BEAN1: variants seen among roughly 807,000 people sequenced by gnomAD.
The protein encoded by BEAN1 is protein BEAN1.
BEAN1 carries 17 observed loss-of-function variants against 17.7 expected under a neutral mutation model. The ratio of observed to expected loss-of-function variants is 0.96; its 90% CI spans 0.66 to 1.44. The LOEUF (loss-of-function observed/expected upper bound fraction) is 1.44, where lower values mean the gene tolerates loss of function less well. BEAN1 is among the 40% of genes most tolerant of loss of function. The pLI is 0.00. For synonymous variants in BEAN1, 142 were observed against 151.8 expected (o/e 0.94, Z 0.47); for missense variants, 359 against 374.1 (o/e 0.96, Z 0.33).
At chr16:66,490,036 T>C (rs1964143265) in intron 4 of BEAN1, among the ~76,000 whole-genome samples, 1 of 151,606 alleles carries the variant, frequency 6.6e-6, no homozygotes, top group South Asian at 2.1e-4. Flanking sequence ...TCCTGGCGAC[T>C]GGAGAGGCAG....
intron 4 of BEAN1, among the ~76,000 whole-genome samples, chr16:66,488,173 G>C (rs1364368035): frequency 6.6e-6 from 1 of 150,580 alleles, no homozygotes; most frequent in Non-Finnish European, 1.5e-5. Context: ...TGTCCAGAAT[G>C]AATGTAGTTA....
intron 2 of BEAN1, among the ~76,000 whole-genome samples, chr16:66,457,844 C>T (rs974542861): frequency 6.6e-6 from 1 of 152,014 alleles, no homozygotes; most frequent in African/African-American, 2.4e-5. Flanking sequence ...GAGCCCTGCC[C>T]TGCCATGTCC....
In BEAN1 at chr16:66,471,157, C is replaced by T. The variant is rs997074107; in HGVS notation, c.289+1292C>T. 1.3e-5 allele frequency among the ~76,000 whole-genome samples: 2 copies of T among 152,230 alleles called. No individual in the cohort carries two copies. Among genetic ancestry groups the T allele is most frequent in the African/African-American group, 4.8e-5 (2 of 41,456 alleles). On this transcript the variant is annotated intron_variant, in intron 3 of 4. Coordinates refer to ENST00000536005, the MANE Select transcript of BEAN1 (RefSeq NM_001178020.3). This position sits in a 1 kb window ranked among gnomAD's most constrained non-coding sequence, Gnocchi z 4.7. ...CTGGCCTTTGGGGCCCCTCCTCCCC[C>T]TCCCAGACACACCCTGATTAGCCAG...
chr16:66,462,411 A>G (rs1356474685), intron 2 of BEAN1, among the ~76,000 whole-genome samples: 3 of 152,238 alleles, frequency 2.0e-5, no homozygotes, highest in Non-Finnish European at 4.4e-5. Context: ...GAGCCAACTA[A>G]GTTTTCTGCA....
chr16:66,473,205 G>A lies in BEAN1; in HGVS notation c.289+3340G>A, dbSNP rs1204921527. Among the ~76,000 whole-genome samples the A allele has an allele frequency of 1.3e-5, 2 of 152,130 alleles. No individual in the cohort carries two copies. Among genetic ancestry groups the A allele is most frequent in the African/African-American group, 2.4e-5 (1 of 41,444 alleles). On this transcript the variant is annotated intron_variant, in intron 3 of 4. Coordinates refer to ENST00000536005, the MANE Select transcript of BEAN1 (RefSeq NM_001178020.3). The surrounding 1 kb of genome is among the most constrained non-coding windows in gnomAD (Gnocchi z 4.5). ...CAGGCCAGCCCCTCTGTAGCCTGTG[G>A]TGGCCTCGGGACTGGTGCCAATGAA...
chr16:66,474,585 G>A (rs1597037274), intron 3 of BEAN1, among the ~76,000 whole-genome samples: 1 of 22,738 alleles, frequency 4.4e-5, no homozygotes, highest in African/African-American at 2.0e-4. Flanking sequence ...AGGGAGAGAG[G>A]GAGGGAGGGA....
At chr16:66,435,999 C>G (rs901604260) in intron 1 of BEAN1, among the ~76,000 whole-genome samples, 9 of 152,082 alleles carry the variant, frequency 5.9e-5, no homozygotes, top group Non-Finnish European at 1.0e-4. Flanking sequence ...ATATATACCC[C>G]CTCATGACCC....
At position 66,473,878 on chromosome 16, in the gene BEAN1, T is replaced by C. The variant is rs1209524898; in HGVS notation, c.290-3682T>C. On this transcript the variant is annotated intron_variant, in intron 3 of 4. Transcript: ENST00000536005. The surrounding 1 kb of genome is among the most constrained non-coding windows in gnomAD (Gnocchi z 4.5). ...CCACCCCTCTGGCTGCGGATTCCTC[T>C]CCTCTGTCCCTTTATAAGTCAAGGT... is the stretch of plus-strand genomic sequence containing the variant. 6.6e-6 allele frequency among the ~76,000 whole-genome samples: 1 copy of C among 151,918 alleles called. No individual in the cohort carries two copies. The highest frequency in any genetic ancestry group is 1.5e-5 in the Non-Finnish European group (1 of 67,988).
chr16:66,448,705 C>G (rs1390866015), intron 2 of BEAN1, among the ~76,000 whole-genome samples: 2 of 152,208 alleles, frequency 1.3e-5, no homozygotes, highest in Non-Finnish European at 2.9e-5. Context: ...TGCCTGTAGT[C>G]CCAGCTACTT....
intron 3 of BEAN1, among the ~76,000 whole-genome samples, chr16:66,470,952 C>A (rs939737714): frequency 2.0e-5 from 3 of 152,194 alleles, no homozygotes. Context: ...AAAAGCAGGA[C>A]CTTGGAGGTG....
At chr16:66,438,082 G>A (rs1389770138) in intron 2 of BEAN1, 1 of 317,970 alleles carries the variant, frequency 3.1e-6, no homozygotes, top group Non-Finnish European at 6.0e-6. Context: ...ACTTTCCTGA[G>A]CTTTTAATAT....
chr16:66,455,950 G>A (rs1962850944), intron 2 of BEAN1, among the ~76,000 whole-genome samples: 2 of 152,198 alleles, frequency 1.3e-5, no homozygotes, highest in Non-Finnish European at 1.5e-5. Flanking sequence ...GGCTCCCGAT[G>A]TGCCGGGATT....
downstream of BEAN1, among the ~76,000 whole-genome samples, chr16:66,494,069 A>G (rs1364924717): frequency 1.3e-5 from 2 of 152,146 alleles, no homozygotes; most frequent in Admixed American, 1.3e-4. Context: ...TGGCACCAGT[A>G]CCCACCCAAA....
intron 2 of BEAN1, among the ~76,000 whole-genome samples, chr16:66,462,343 C>T (rs1385409865): frequency 6.6e-6 from 1 of 152,190 alleles, no homozygotes; most frequent in Non-Finnish European, 1.5e-5. Flanking sequence ...CAAGCTGTCA[C>T]AATCAGTCAA....
At chr16:66,431,645 T>TA (rs1452725536) in intron 1 of BEAN1, among the ~76,000 whole-genome samples, 2 of 151,828 alleles carry the variant, frequency 1.3e-5, no homozygotes, top group Admixed American at 6.6e-5. Flanking sequence ...CGGTATATGG[T>TA]ATATGCACAA....
rs770680050 is a variant in BEAN1, at chr16:66,437,706, GTT to G, written c.25+7_25+8del. 3.3e-6 allele frequency: 5 copies of G among 1,535,500 alleles called. No individual in the cohort carries two copies. The South Asian group carries it at 5.9e-5, about 18-fold the overall frequency. ...CCTTCAAACGTCCCTGCCCCTGTAA[GTT>G]TCCTCCCCACATCCTTCCACCACTT... On this transcript the variant is annotated splice_donor_region_variant and intron_variant, in intron 2 of 4. Coordinates refer to ENST00000536005, the MANE Select transcript of BEAN1 (RefSeq NM_001178020.3).
At chr16:66,443,180 C>T (rs1010259594) in intron 2 of BEAN1, among the ~76,000 whole-genome samples, 10 of 152,122 alleles carry the variant, frequency 6.6e-5, no homozygotes, top group Non-Finnish European at 2.9e-5. Flanking sequence ...TTGGAGTGAG[C>T]AAGGGGATGG....
chr16:66,477,663 C>T lies in BEAN1; in HGVS notation c.393C>T (p.Asp131=), dbSNP rs761116793. 28 of 1,550,420 alleles carry T rather than the reference C, an allele frequency of 1.8e-5. 1 individual carries two copies. The Admixed American group carries it at 3.7e-4, about 21-fold the overall frequency. Reference sequence around the variant, plus strand: ...CCTTGGACATCAGCTCTGACGGGGACGTGGATGCCACGGTGCTCAGGGAGC... The same window carrying T: ...CCTTGGACATCAGCTCTGACGGGGATGTGGATGCCACGGTGCTCAGGGAGC... ...PPPLDISSDG[D]VDATVLRELY... is the part of the protein sequence containing the mutation. The change falls in exon 4 of 5, where the codon GAC becomes GAT. Residue 131 remains aspartate, a synonymous_variant. Coordinates refer to ENST00000536005, the MANE Select transcript of BEAN1 (RefSeq NM_001178020.3).
intron 2 of BEAN1, among the ~76,000 whole-genome samples, chr16:66,468,422 G>A (rs1487948811): frequency 3.3e-5 from 5 of 152,222 alleles, no homozygotes; most frequent in African/African-American, 7.2e-5. Flanking sequence ...GTGCTTGCCC[G>A]TGACCCTGTG....
Sources: allele counts gnomAD v4.1 joint callset (sites outside exome capture counted in the v4.1 genomes callset), GRCh38; gene constraint gnomAD v4.1.1; non-coding constraint Gnocchi (gnomAD v3.1); transcripts MANE v1.5; gene names NCBI Gene and HGNC (gene_info 2026-07-23, HGNC 2026-07-21).